PAK1: variants seen among roughly 807,000 people sequenced by gnomAD.
PAK1 encodes the protein serine/threonine-protein kinase PAK 1.
PAK1 carries 29 observed loss-of-function variants against 67.4 expected under a neutral mutation model. The ratio of observed to expected loss-of-function variants is 0.43; its 90% CI spans 0.32 to 0.59. The LOEUF (loss-of-function observed/expected upper bound fraction) is 0.59. PAK1 is among the 20% of genes least tolerant of loss of function. The pLI is 0.07. For synonymous variants in PAK1, 223 were observed against 237.4 expected (o/e 0.94, Z 0.56); for missense variants, 337 against 670.7 (o/e 0.50, Z 5.50).
At chr11:77,437,791 A>G (rs1195436276) in intron 1 of PAK1, among the ~76,000 whole-genome samples, 3 of 152,206 alleles carry the variant, frequency 2.0e-5, no homozygotes, top group Admixed American at 6.5e-5. Context: ...TGAACTCTTT[A>G]AGAGTATATG....
intron 13 of PAK1, 142 bp downstream of exon 13, chr11:77,335,944 T>C: frequency 2.1e-6 from 1 of 486,626 alleles, no homozygotes; most frequent in Non-Finnish European, 3.7e-6. Flanking sequence ...TTTGGCCATT[T>C]ATACTTTAAG....
chr11:77,436,603 A>G lies in PAK1; in HGVS notation c.-22+36949T>C, dbSNP rs558735891. 3.3e-5 allele frequency among the ~76,000 whole-genome samples: 5 copies of G among 152,370 alleles called. No individual in the cohort carries two copies. The South Asian group carries it at 1.0e-3, about 32-fold the overall frequency. On this transcript the variant is annotated intron_variant, in intron 1 of 14. Coordinates refer to ENST00000356341, the MANE Select transcript of PAK1 (RefSeq NM_002576.5). ...ACAAAACAGAGTCCTACATTTATGTAACTTATAGGATAGAACACTGCAGAA... is the reference window on the plus strand; with the variant it reads ...ACAAAACAGAGTCCTACATTTATGTGACTTATAGGATAGAACACTGCAGAA...
rs1169860289 is a variant in PAK1 at position 77,473,891 on chromosome 11, G to C, written c.-361C>G. ...GGGGCTCACGAAAGCGCGGGGCTCC[G>C]TGGAAAAGGGAATGAGAGTCCAAGG... is the stretch of plus-strand genomic sequence containing the variant. On this transcript the variant is annotated 5_prime_UTR_variant, in exon 1 of 15. Transcript: ENST00000356341. The C allele has an allele frequency of 6.6e-6, 1 of 152,404 alleles. No homozygotes were observed. Among genetic ancestry groups the C allele is most frequent in the African/African-American group, 2.4e-5 (1 of 41,364 alleles). The allele number at this position is 152,404 out of a possible 1,614,324, so 9.4% of individuals were successfully genotyped here.
chr11:77,353,468 A>G, intron 8 of PAK1, 68 bp downstream of exon 8: 1 of 1,197,526 alleles, frequency 8.4e-7, no homozygotes, highest in East Asian at 2.3e-5. Flanking sequence ...AAAAAAAAGC[A>G]AAATCATATA....
the PAK1 span, among the ~76,000 whole-genome samples, chr11:77,513,152 C>G: frequency 6.6e-6 from 1 of 152,082 alleles, no homozygotes; most frequent in Non-Finnish European, 1.5e-5. Flanking sequence ...TCATTGACTC[C>G]AGGTAAGCAG....
At chr11:77,514,071 T>G in the PAK1 span, among the ~76,000 whole-genome samples, 3 of 152,282 alleles carry the variant, frequency 2.0e-5, no homozygotes, top group Admixed American at 6.5e-5. Context: ...AGAGCCATGA[T>G]TTGAACCCAT....
chr11:77,338,013 T>A (rs539465291), intron 11 of PAK1, among the ~76,000 whole-genome samples: 22 of 152,150 alleles, frequency 1.4e-4, no homozygotes, highest in Non-Finnish European at 3.2e-4. Flanking sequence ...GTTATAAAAA[T>A]GGTTGAACCC....
the PAK1 span, among the ~76,000 whole-genome samples, chr11:77,512,891 C>T: frequency 6.6e-6 from 1 of 151,948 alleles, no homozygotes; most frequent in South Asian, 2.1e-4. Flanking sequence ...CCCAGGAGTT[C>T]GAGACTGGCC....
Position 77,429,093 on chromosome 11 carries a change from A to AAC in PAK1, c.-21-36554_-21-36553dup, listed in dbSNP as rs1491243884. 1.0e-2 allele frequency among the ~76,000 whole-genome samples: 1,060 copies of AAC among 106,164 alleles called. 36 individuals carry two copies. Among genetic ancestry groups the AAC allele is most frequent in the African/African-American group, 0.017 (325 of 18,636 alleles). 69.6% of individuals were successfully genotyped at this position (106,164 alleles called of 152,430 possible). A position where few individuals can be genotyped will look rare whatever the true frequency, so the allele number is the denominator to read the frequency against. On this transcript the variant is annotated intron_variant, in intron 1 of 14. Transcript: ENST00000356341. ...AAAAAAAAAAAAAAAAAAAAAAAAA[A>AAC]ACACACACACACACATCAGGATTCC...
At chr11:77,447,519 C>G (rs1161233902) in intron 1 of PAK1, among the ~76,000 whole-genome samples, 4 of 151,956 alleles carry the variant, frequency 2.6e-5, no homozygotes, top group Non-Finnish European at 5.9e-5. Flanking sequence ...TATCTGCTAA[C>G]AAGATGAAAC....
At chr11:77,351,099 A>G (rs1421882097) in intron 8 of PAK1, among the ~76,000 whole-genome samples, 2 of 152,216 alleles carry the variant, frequency 1.3e-5, no homozygotes, top group Admixed American at 6.5e-5. Flanking sequence ...GTCTTAAAGG[A>G]GAAATAAAAG....
upstream of PAK1, among the ~76,000 whole-genome samples, chr11:77,479,602 C>CTTTTTTT (rs34649009): frequency 2.5e-5 from 2 of 80,540 alleles, no homozygotes; most frequent in Non-Finnish European, 2.2e-5. Context: ...GAAAAATAAA[C>CTTTTTTT]TTTTTTTTTT....
intron 1 of PAK1, among the ~76,000 whole-genome samples, chr11:77,406,290 G>A (rs1050459943): frequency 6.6e-6 from 1 of 152,196 alleles, no homozygotes; most frequent in African/African-American, 2.4e-5. Context: ...TTTCTCATCA[G>A]TACCTCAAAT....
At chr11:77,428,714 A>G (rs948636897) in intron 1 of PAK1, among the ~76,000 whole-genome samples, 2 of 151,980 alleles carry the variant, frequency 1.3e-5, no homozygotes, top group African/African-American at 4.8e-5. Context: ...CAGGGTGAAA[A>G]GAGCATCCAC....
At chr11:77,491,897 G>T in the PAK1 span, among the ~76,000 whole-genome samples, 1 of 152,126 alleles carries the variant, frequency 6.6e-6, no homozygotes, top group African/African-American at 2.4e-5. Context: ...CATAAGAGTG[G>T]CTGAATGGAT....
At chr11:77,444,857 G>A (rs1956524495) in intron 1 of PAK1, among the ~76,000 whole-genome samples, 1 of 152,006 alleles carries the variant, frequency 6.6e-6, no homozygotes, top group Non-Finnish European at 1.5e-5. Context: ...ATGGAGGTCT[G>A]AATACTGCAA....
chr11:77,404,355 C>T (rs1192962797), intron 1 of PAK1, among the ~76,000 whole-genome samples: 7 of 151,952 alleles, frequency 4.6e-5, no homozygotes, highest in Non-Finnish European at 8.8e-5. Flanking sequence ...GCAACCTCCA[C>T]CTCGGGGGTT....
chr11:77,381,769 A>C (rs1949867678), intron 2 of PAK1, among the ~76,000 whole-genome samples: 1 of 152,244 alleles, frequency 6.6e-6, no homozygotes, highest in Non-Finnish European at 1.5e-5. Flanking sequence ...GAGAGCTGGG[A>C]TTTGAACCCA....
chr11:77,447,714 G>A (rs771350485), intron 1 of PAK1, among the ~76,000 whole-genome samples: 7 of 151,844 alleles, frequency 4.6e-5, no homozygotes, highest in Non-Finnish European at 7.4e-5. Flanking sequence ...TAGTAGAGAC[G>A]GGGGTTTCAT....
Sources: allele counts gnomAD v4.1 joint callset (sites outside exome capture counted in the v4.1 genomes callset), GRCh38; gene constraint gnomAD v4.1.1; transcripts MANE v1.5; gene names NCBI Gene and HGNC (gene_info 2026-07-23, HGNC 2026-07-21).